Variants in CCDC3 observed in about 807,000 individuals in gnomAD.
CCDC3 encodes the protein coiled-coil domain containing 3.
A neutral mutation model predicts 21.4 loss-of-function variants in CCDC3; 24 were observed. That is an observed-to-expected ratio of 1.12 (90% CI 0.81 to 1.58). The LOEUF (loss-of-function observed/expected upper bound fraction) is 1.58, where lower values mean the gene tolerates loss of function less well. Among genes scored for constraint, CCDC3 ranks in the 40% most tolerant of loss-of-function variants. The pLI, the probability that CCDC3 is intolerant of heterozygous loss-of-function variation, is 0.00. For missense variants in CCDC3, 425 were observed against 360.9 expected (o/e 1.18, Z -1.44); for synonymous variants, 186 against 166.0 (o/e 1.12, Z -0.93).
intron 2 of CCDC3, among the ~76,000 whole-genome samples, chr10:12,935,708 G>T (rs897890713): frequency 6.8e-6 from 1 of 146,440 alleles, no homozygotes; most frequent in African/African-American, 2.6e-5. Context: ...CTCTGTTGCC[G>T]AGGCTGGAGT....
intron 5 of CCDC3, among the ~76,000 whole-genome samples, chr10:13,015,901 T>C (rs1206926858): frequency 1.3e-5 from 2 of 151,922 alleles, no homozygotes; most frequent in Admixed American, 6.6e-5. Context: ...AGGGTGACTG[T>C]AGTAAAAAAA....
intron 5 of CCDC3, among the ~76,000 whole-genome samples, chr10:13,018,896 C>T (rs11258131): frequency 0.27 from 40,831 of 150,652 alleles, 6,636 homozygotes; most frequent in Non-Finnish European, 0.36. Context: ...GAGATCATGC[C>T]GTTGCACTCC....
chr10:13,036,812 T>G (rs1253626132), intron 5 of CCDC3, among the ~76,000 whole-genome samples: 1 of 147,916 alleles, frequency 6.8e-6, no homozygotes, highest in Non-Finnish European at 1.5e-5. Context: ...TTTTTTGAGA[T>G]GGGGTCACCC....
At chr10:12,958,247 G>A (rs1835124688) in intron 2 of CCDC3, among the ~76,000 whole-genome samples, 2 of 152,166 alleles carry the variant, frequency 1.3e-5, no homozygotes, top group South Asian at 2.1e-4. Context: ...CCAAGACCAT[G>A]AAGAAGTTTA....
intron 5 of CCDC3, among the ~76,000 whole-genome samples, chr10:13,022,849 G>A (rs774988443): frequency 6.6e-6 from 1 of 152,172 alleles, no homozygotes; most frequent in Non-Finnish European, 1.5e-5. Context: ...AATATTGCAA[G>A]AGATGCAGAA....
At chr10:13,070,376 G>A (rs903781154) in intron 4 of CCDC3, among the ~76,000 whole-genome samples, 3 of 152,158 alleles carry the variant, frequency 2.0e-5, no homozygotes, top group African/African-American at 7.2e-5. Context: ...TGGAGAAACT[G>A]GTTGCAACAA....
intron 4 of CCDC3, among the ~76,000 whole-genome samples, chr10:13,056,429 C>T (rs1264896799): frequency 2.0e-5 from 3 of 148,038 alleles, no homozygotes; most frequent in Non-Finnish European, 2.9e-5. Flanking sequence ...GAAGCAAGTT[C>T]GTGATGGACT....
chr10:13,026,306 C>A (rs1330231810), intron 5 of CCDC3, among the ~76,000 whole-genome samples: 1 of 152,182 alleles, frequency 6.6e-6, no homozygotes, highest in East Asian at 1.9e-4. Context: ...AAATTATATA[C>A]AATAGTACTT....
At chr10:13,065,315 T>A (rs1836809348) in intron 4 of CCDC3, among the ~76,000 whole-genome samples, 2 of 152,172 alleles carry the variant, frequency 1.3e-5, no homozygotes, top group South Asian at 4.1e-4. Context: ...GATATGGACC[T>A]AGGAGAAAAG....
At chr10:13,086,877 C>G (rs976312213) in intron 3 of CCDC3, among the ~76,000 whole-genome samples, 1 of 152,154 alleles carries the variant, frequency 6.6e-6, no homozygotes, top group African/African-American at 2.4e-5. Flanking sequence ...ATGCAGAAAA[C>G]CACTGCCAGT....
chr10:12,962,825 CATAG>C (rs1222463439), intron 2 of CCDC3, among the ~76,000 whole-genome samples: 1 of 152,166 alleles, frequency 6.6e-6, no homozygotes, highest in Non-Finnish European at 1.5e-5. Flanking sequence ...ATGCATCAAA[CATAG>C]ATCAGGAAGG....
chr10:12,926,241 A>G (rs10906255), intron 2 of CCDC3, among the ~76,000 whole-genome samples: 37,091 of 152,204 alleles, frequency 0.24, 5,054 homozygotes, highest in Middle Eastern at 0.33. Context: ...TTTGTACTCC[A>G]TGGACTGAGT....
intron 4 of CCDC3, among the ~76,000 whole-genome samples, chr10:13,055,104 T>G (rs1287333607): frequency 6.6e-6 from 1 of 152,188 alleles, no homozygotes; most frequent in Non-Finnish European, 1.5e-5. Flanking sequence ...TCATGAAGAC[T>G]TACTTAATGC....
chr10:12,935,007 G>A (rs1314707112), intron 2 of CCDC3, among the ~76,000 whole-genome samples: 2 of 151,518 alleles, frequency 1.3e-5, no homozygotes, highest in African/African-American at 4.8e-5. Context: ...AAACTCCTAG[G>A]CTCAAGCAGT....
chr10:12,906,459 G>A (rs1047129834), intron 2 of CCDC3, among the ~76,000 whole-genome samples: 2 of 152,194 alleles, frequency 1.3e-5, no homozygotes, highest in African/African-American at 4.8e-5. Context: ...GCTGGGCAGG[G>A]CCACAGCAGC....
chr10:13,073,382 C>T (rs1267058707), intron 4 of CCDC3, among the ~76,000 whole-genome samples: 5 of 148,950 alleles, frequency 3.4e-5, no homozygotes, highest in Non-Finnish European at 6.0e-5. Flanking sequence ...TGCACAGACA[C>T]AGGGAACTGT....
chr10:12,998,392 T>C lies in CCDC3; in HGVS notation c.495A>G (p.Gln165=), dbSNP rs373864834. Residue 165 remains glutamine (Q), a synonymous_variant, in exon 2 of 3, where the codon CAA becomes CAG. Transcript: ENST00000378825. ...TGGAGAAAGTCGCCAGCTGCTGCCCTTGCGAACAGTTTGAAAACTGGAAAA... is the reference window on the plus strand; with the variant it reads ...TGGAGAAAGTCGCCAGCTGCTGCCCCTGCGAACAGTTTGAAAACTGGAAAA... The part of the protein sequence containing the change: ...SSLFQFSNCS[Q]GQQLATFSSD... 4.3e-6 allele frequency: 7 copies of C among 1,614,178 alleles called. No homozygotes were observed. Among genetic ancestry groups the C allele is most frequent in the Non-Finnish European group, 4.2e-6 (5 of 1,180,018 alleles).
At chr10:12,945,391 T>C (rs2131242423) in intron 2 of CCDC3, among the ~76,000 whole-genome samples, 1 of 152,160 alleles carries the variant, frequency 6.6e-6, no homozygotes, top group Admixed American at 6.5e-5. Flanking sequence ...AATGGCATTG[T>C]TCCACAGTGA....
chr10:13,038,393 GA>G (rs1836407080), intron 5 of CCDC3, among the ~76,000 whole-genome samples: 1 of 107,400 alleles, frequency 9.3e-6, no homozygotes, highest in South Asian at 3.1e-4. Context: ...AAAAAAAAAA[GA>G]AAGCTGGAAG....
Sources: allele counts gnomAD v4.1 joint callset (sites outside exome capture counted in the v4.1 genomes callset), GRCh38; gene constraint gnomAD v4.1.1; transcripts MANE v1.5; gene names NCBI Gene and HGNC (gene_info 2026-07-23, HGNC 2026-07-21).